CERS6: variants seen among roughly 807,000 people sequenced by gnomAD.
CERS6 encodes the protein LAG1 homolog, ceramide synthase 6.
In CERS6, 26 loss-of-function variants were observed where a neutral mutation model predicts 56.8. The observed-to-expected ratio is 0.46, with a 90% confidence interval of 0.34 to 0.63. The LOEUF (loss-of-function observed/expected upper bound fraction) is 0.63. Ranked by LOEUF, CERS6 falls within the 30% of genes least tolerant of loss-of-function variation. The pLI is 0.01. For missense variants in CERS6, 415 were observed against 467.5 expected (o/e 0.89, Z 1.04); for synonymous variants, 164 against 173.3 (o/e 0.95, Z 0.42).
intron 5 of CERS6, among the ~76,000 whole-genome samples, chr2:168,692,919 G>A (rs974379601): frequency 2.6e-5 from 4 of 151,914 alleles, no homozygotes; most frequent in African/African-American, 9.7e-5. Flanking sequence ...ACATATTTAT[G>A]GTATCTTTAG....
At chr2:168,738,791 G>C (rs1323882309) in intron 8 of CERS6, among the ~76,000 whole-genome samples, 1 of 152,194 alleles carries the variant, frequency 6.6e-6, no homozygotes, top group Admixed American at 6.5e-5. Flanking sequence ...TTGCAATCCA[G>C]TTCTAACATT....
intron 6 of CERS6, among the ~76,000 whole-genome samples, chr2:168,712,634 A>G (rs1687121497): frequency 6.6e-6 from 1 of 152,224 alleles, no homozygotes; most frequent in Non-Finnish European, 1.5e-5. Context: ...TATCTTTTTA[A>G]ATAGTGGTAA....
intron 1 of CERS6, among the ~76,000 whole-genome samples, chr2:168,470,212 C>CA (rs752453936): frequency 0.049 from 5,148 of 105,578 alleles, 169 homozygotes; most frequent in African/African-American, 0.091. Flanking sequence ...CCAACTCTAC[C>CA]AAAAAAAAAA....
chr2:168,456,333 G>T lies in CERS6; in HGVS notation c.-116G>T. ...GAGGAGGCGGCGGCGGCGGGCGGGA[G>T]CAGCGGCGGCGGCGGCACAGGCTCG... On this transcript the variant is annotated 5_prime_UTR_variant, in exon 1 of 10. Coordinates refer to ENST00000305747, the MANE Select transcript of CERS6 (RefSeq NM_203463.3). The surrounding 1 kb of genome is among the most constrained non-coding windows in gnomAD (Gnocchi z 4.1). The T allele has an allele frequency of 1.7e-6, 1 of 575,980 alleles. No individual in the cohort carries two copies. The allele number at this position is 575,980 out of a possible 1,614,324, so 35.7% of individuals were successfully genotyped here.
intron 8 of CERS6, among the ~76,000 whole-genome samples, chr2:168,726,498 G>C (rs1325249288): frequency 1.3e-5 from 2 of 152,170 alleles, no homozygotes; most frequent in East Asian, 3.9e-4. Flanking sequence ...ATCTGGTAAA[G>C]AAAGGAGAAA....
intron 3 of CERS6, among the ~76,000 whole-genome samples, chr2:168,596,233 T>G (rs1292041873): frequency 6.6e-6 from 1 of 152,152 alleles, no homozygotes; most frequent in Admixed American, 6.5e-5. Flanking sequence ...GATGAGTGGC[T>G]TTGGTTTTGG....
chr2:168,742,377 G>A (rs2105431219), intron 8 of CERS6, among the ~76,000 whole-genome samples: 1 of 152,334 alleles, frequency 6.6e-6, no homozygotes. Flanking sequence ...CAAGAGAAAT[G>A]TGAGGAATAG....
chr2:168,487,065 A>G (rs1694289450), intron 1 of CERS6, among the ~76,000 whole-genome samples: 1 of 152,190 alleles, frequency 6.6e-6, no homozygotes, highest in Non-Finnish European at 1.5e-5. Context: ...TTTATAAAAT[A>G]GAAATAATAT....
At chr2:168,588,446 C>G (rs1428714059) in intron 3 of CERS6, among the ~76,000 whole-genome samples, 1 of 152,086 alleles carries the variant, frequency 6.6e-6, no homozygotes, top group Non-Finnish European at 1.5e-5. Flanking sequence ...TCATAACCCC[C>G]ACTCTACTTT....
At chr2:168,719,185 C>T (rs1687299328) in intron 8 of CERS6, among the ~76,000 whole-genome samples, 1 of 152,048 alleles carries the variant, frequency 6.6e-6, no homozygotes, top group South Asian at 2.1e-4. Context: ...ATAGGGCTGC[C>T]CTTGGGGCAT....
chr2:168,665,944 TTAG>T lies in CERS6; in HGVS notation c.466-25086_466-25084del, dbSNP rs145907709. Among the ~76,000 whole-genome samples the T allele has an allele frequency of 0.016, 2,152 of 130,584 alleles. 110 individuals carry two copies. In the East Asian group the frequency reaches 0.18, roughly 11 times the overall value. 85.7% of individuals were successfully genotyped at this position (130,584 alleles called of 152,430 possible). A position where few individuals can be genotyped will look rare whatever the true frequency, so the allele number is the denominator to read the frequency against. On this transcript the variant is annotated intron_variant, in intron 4 of 9. Transcript: ENST00000305747. ...AGGTTTTAAGAATTTTTTTAAAAAA[TTAG>T]TAGACTGTGTGTGTGTGTGTGTGTG...
chr2:168,690,059 T>G (rs2161977), intron 4 of CERS6, among the ~76,000 whole-genome samples: 110,183 of 151,994 alleles, frequency 0.72, 42,433 homozygotes, highest in Non-Finnish European at 0.85. Context: ...AAGGATTAAA[T>G]GAGTTAATAT....
intron 6 of CERS6, among the ~76,000 whole-genome samples, chr2:168,707,210 T>A (rs903311006): frequency 6.6e-6 from 1 of 152,212 alleles, no homozygotes; most frequent in Non-Finnish European, 1.5e-5. Flanking sequence ...TTGGTGTTTT[T>A]AAAATGAAGT....
intron 4 of CERS6, among the ~76,000 whole-genome samples, chr2:168,646,169 T>C (rs1685195561): frequency 6.6e-6 from 1 of 152,216 alleles, no homozygotes; most frequent in African/African-American, 2.4e-5. Context: ...AGTGTGTAAG[T>C]GTTCCCCTTT....
Position 168,683,817 on chromosome 2 carries a change from G to A in CERS6, c.466-7217G>A, listed in dbSNP as rs1049460981. ...TCCCCAGACTCTTGAGAATCACAGCGTTCTTACCCTGAGCTGTAGTGTGCA... is the reference window on the plus strand; with the variant it reads ...TCCCCAGACTCTTGAGAATCACAGCATTCTTACCCTGAGCTGTAGTGTGCA... On this transcript the variant is annotated intron_variant, in intron 4 of 9. Transcript: ENST00000305747. 4.6e-5 allele frequency among the ~76,000 whole-genome samples: 7 copies of A among 152,096 alleles called. No individual in the cohort carries two copies. In the South Asian group the frequency reaches 6.2e-4, roughly 14 times the overall value.
intron 8 of CERS6, among the ~76,000 whole-genome samples, chr2:168,757,480 C>T (rs1684449741): frequency 6.6e-6 from 1 of 152,106 alleles, no homozygotes; most frequent in African/African-American, 2.4e-5. Flanking sequence ...AATTCACTGG[C>T]CCCATGTCCT....
intron 1 of CERS6, among the ~76,000 whole-genome samples, chr2:168,457,948 T>G (rs972800530): frequency 1.3e-5 from 2 of 152,194 alleles, no homozygotes; most frequent in East Asian, 3.8e-4. Flanking sequence ...CAACAGACTT[T>G]AAGACCTATG....
intron 8 of CERS6, among the ~76,000 whole-genome samples, chr2:168,742,630 G>A (rs1683948777): frequency 6.6e-6 from 1 of 152,150 alleles, no homozygotes. Flanking sequence ...AAATGAAATA[G>A]ACACACAATA....
In CERS6 at chr2:168,736,466, C is replaced by G. The variant is rs543414017; in HGVS notation, c.845+18488C>G. On this transcript the variant is annotated intron_variant, in intron 8 of 9. Coordinates refer to ENST00000305747, the MANE Select transcript of CERS6 (RefSeq NM_203463.3). ...CTCAGCCTCCCAAGCACGGGCACTACAGGCGTGTCCACTGTGCCCAGCTAA... is the reference window on the plus strand; with the variant it reads ...CTCAGCCTCCCAAGCACGGGCACTAGAGGCGTGTCCACTGTGCCCAGCTAA... Among the ~76,000 whole-genome samples the G allele has an allele frequency of 3.5e-4, 53 of 151,988 alleles. 3 individuals carry two copies. The South Asian group carries it at 0.011, about 31-fold the overall frequency.
Sources: gnomAD v4.1 joint callset for allele counts (sites outside exome capture counted in the v4.1 genomes callset) on GRCh38, gnomAD v4.1.1 for gene constraint, Gnocchi (gnomAD v3.1) non-coding constraint, MANE v1.5 for transcripts, NCBI Gene and HGNC (gene_info 2026-07-23, HGNC 2026-07-21) for gene names.